The following RALYL variants were observed in gnomAD, a reference collection of about 807,000 sequenced individuals.
RALYL encodes the protein RNA-binding Raly-like protein.
A neutral mutation model predicts 35.1 loss-of-function variants in RALYL; 29 were observed. The ratio of observed to expected loss-of-function variants is 0.83; its 90% confidence interval spans 0.61 to 1.13. The LOEUF (loss-of-function observed/expected upper bound fraction) is 1.13, where lower values mean the gene tolerates loss of function less well. Ranked by LOEUF, RALYL falls within the 50% of genes most tolerant of loss-of-function variation. RALYL has a pLI of 0.00. For synonymous variants in RALYL, 120 were observed against 127.6 expected (o/e 0.94, Z 0.40); for missense variants, 359 against 360.4 (o/e 1.00, Z 0.03).
chr8:84,644,538 T>C (rs899759678), intron 2 of RALYL, among the ~76,000 whole-genome samples: 2 of 152,018 alleles, frequency 1.3e-5, no homozygotes, highest in Non-Finnish European at 2.9e-5. Context: ...GGTAGAACAG[T>C]GTAAGGAAGA....
chr8:84,619,353 T>G (rs1296688461), intron 2 of RALYL, among the ~76,000 whole-genome samples: 1 of 151,276 alleles, frequency 6.6e-6, no homozygotes, highest in East Asian at 1.9e-4. Context: ...TGTAATGGCC[T>G]TCTTTGTCTC....
Position 84,728,101 on chromosome 8 carries a change from G to C in RALYL, c.257-46478G>C, listed in dbSNP as rs558112922. Among the ~76,000 whole-genome samples, 647 of 151,530 alleles carry C rather than the reference G, an allele frequency of 4.3e-3. 5 individuals are homozygous for C. Among genetic ancestry groups the C allele is most frequent in the African/African-American group, 0.014 (594 of 41,208 alleles). On this transcript the variant is annotated intron_variant, in intron 2 of 8. Transcript: ENST00000521268. Reference sequence around the variant, plus strand: ...TTACAGTCCCACCAACAGTGTAAAAGTGTTCCTATTTCTCCACATCCTCTC... The same window carrying C: ...TTACAGTCCCACCAACAGTGTAAAACTGTTCCTATTTCTCCACATCCTCTC...
chr8:84,813,112 A>G (rs1240021423), intron 4 of RALYL, among the ~76,000 whole-genome samples: 3 of 152,020 alleles, frequency 2.0e-5, no homozygotes, highest in Non-Finnish European at 4.4e-5. Context: ...CTATCCCTGT[A>G]TTTCACTCAG....
chr8:84,700,895 G>A (rs144392796), intron 2 of RALYL, among the ~76,000 whole-genome samples: 79 of 152,228 alleles, frequency 5.2e-4, no homozygotes, highest in Admixed American at 7.9e-4. Flanking sequence ...TTGTGCTGGG[G>A]TTGAAAATTA....
chr8:84,241,140 A>G (rs542338051), intron 1 of RALYL, among the ~76,000 whole-genome samples: 3 of 152,282 alleles, frequency 2.0e-5, no homozygotes, highest in Admixed American at 6.5e-5. Flanking sequence ...ACACGTGTAC[A>G]TGAGTGCCTG....
At chr8:84,870,482 GT>G (rs916313466) in intron 6 of RALYL, among the ~76,000 whole-genome samples, 14 of 151,196 alleles carry the variant, frequency 9.3e-5, no homozygotes, top group South Asian at 2.1e-4. Context: ...TTTTTGACAA[GT>G]TTTTTTTGTG....
chr8:84,656,101 TTTTG>T (rs1306966516), intron 2 of RALYL, among the ~76,000 whole-genome samples: 40 of 152,234 alleles, frequency 2.6e-4, no homozygotes, highest in African/African-American at 9.1e-4. Flanking sequence ...GTCAGTTATT[TTTTG>T]TTTGTTTTGT....
At chr8:84,899,173 C>T (rs1166676779) in intron 8 of RALYL, among the ~76,000 whole-genome samples, 5 of 152,202 alleles carry the variant, frequency 3.3e-5, no homozygotes, top group Non-Finnish European at 7.4e-5. Flanking sequence ...AACATCTCCT[C>T]TCTTAAAGAT....
chr8:84,508,668 T>TA (rs1026964385), intron 1 of RALYL, among the ~76,000 whole-genome samples: 12 of 151,954 alleles, frequency 7.9e-5, no homozygotes, highest in Non-Finnish European at 1.2e-4. Context: ...TATATTTTTT[T>TA]AAAAAAAGAT....
At chr8:84,663,165 G>C (rs981418434) in intron 2 of RALYL, among the ~76,000 whole-genome samples, 1 of 152,034 alleles carries the variant, frequency 6.6e-6, no homozygotes, top group East Asian at 1.9e-4. Flanking sequence ...ACATGAGCTT[G>C]TTCTTTTTTA....
chr8:84,424,719 T>TG (rs2046133681), intron 1 of RALYL, among the ~76,000 whole-genome samples: 1 of 151,960 alleles, frequency 6.6e-6, no homozygotes, highest in African/African-American at 2.4e-5. Flanking sequence ...GATGTACAGG[T>TG]GGGTTTTTGG....
Position 84,887,726 on chromosome 8 carries a change from A to G in RALYL, c.808A>G (p.Met270Val), listed in dbSNP as rs746802980. The change falls in exon 8 of 9, where the codon ATG becomes GTG. Residue 270 changes from methionine to valine, a missense_variant. Met to Val is a conservative substitution (Grantham distance 21, BLOSUM62 1). Transcript: ENST00000521268. ...AGGGCCAGATGCCGATGGAGAAGAGATGACAGATGGGATAGAGGAGGACTT... is the reference window on the plus strand; with the variant it reads ...AGGGCCAGATGCCGATGGAGAAGAGGTGACAGATGGGATAGAGGAGGACTT... ...EGGPDADGEEMTDGIEEDFDE... is the reference protein window; with the variant it reads ...EGGPDADGEEVTDGIEEDFDE... 2 of 1,613,804 alleles carry G rather than the reference A, an allele frequency of 1.2e-6. No homozygotes were observed. Among genetic ancestry groups the G allele is most frequent in the East Asian group, 4.5e-5 (2 of 44,892 alleles).
chr8:84,362,964 A>C (rs1230154615), intron 1 of RALYL, among the ~76,000 whole-genome samples: 1 of 152,004 alleles, frequency 6.6e-6, no homozygotes, highest in East Asian at 1.9e-4. Context: ...AGTGTCTGAA[A>C]GGGGGAGATT....
intron 1 of RALYL, among the ~76,000 whole-genome samples, chr8:84,212,723 A>G (rs1417008414): frequency 6.6e-6 from 1 of 152,140 alleles, no homozygotes; most frequent in Admixed American, 6.6e-5. Context: ...TGATAATTTC[A>G]ATATTTCCCT....
At chr8:84,189,718 T>C (rs1399010422) in intron 1 of RALYL, among the ~76,000 whole-genome samples, 1 of 151,940 alleles carries the variant, frequency 6.6e-6, no homozygotes, top group African/African-American at 2.4e-5. Flanking sequence ...TTTGTGGAGA[T>C]GATTTTTTTG....
At chr8:84,818,550 C>A (rs1463309869) in intron 4 of RALYL, among the ~76,000 whole-genome samples, 1 of 152,112 alleles carries the variant, frequency 6.6e-6, no homozygotes, top group East Asian at 1.9e-4. Flanking sequence ...GTCTAGTGAG[C>A]TAGGAAGATT....
chr8:84,694,770 A>G (rs1028506782), intron 2 of RALYL, among the ~76,000 whole-genome samples: 2 of 151,804 alleles, frequency 1.3e-5, no homozygotes, highest in South Asian at 4.1e-4. Context: ...TTTGCCAATA[A>G]ATTATTGTCT....
chr8:84,483,241 A>G (rs2054233646), intron 1 of RALYL, among the ~76,000 whole-genome samples: 1 of 152,118 alleles, frequency 6.6e-6, no homozygotes, highest in Admixed American at 6.6e-5. Flanking sequence ...ATAACATGCT[A>G]TGATACTTTT....
At chr8:84,479,042 C>T (rs3932061) in intron 1 of RALYL, among the ~76,000 whole-genome samples, 5,613 of 119,464 alleles carry the variant, frequency 0.047, 244 homozygotes, top group Middle Eastern at 0.14. Flanking sequence ...ACCGAGATTG[C>T]ACCACTGCAC....
Sources: allele counts gnomAD v4.1 joint callset (sites outside exome capture counted in the v4.1 genomes callset), GRCh38; gene constraint gnomAD v4.1.1; transcripts MANE v1.5; gene names NCBI Gene and HGNC (gene_info 2026-07-23, HGNC 2026-07-21).